Variants in SYNE2 observed in about 807,000 individuals in gnomAD.
The protein encoded by SYNE2 is spectrin repeat containing nuclear envelope protein 2.
A neutral mutation model predicts 856.3 loss-of-function variants in SYNE2; 431 were observed. The observed-to-expected ratio is 0.50, with a 90% CI of 0.47 to 0.55. The LOEUF is 0.55. Ranked by LOEUF, SYNE2 falls within the 20% of genes least tolerant of loss-of-function variation. The probability of loss-of-function intolerance (pLI) is 0.00; values close to 1 mark genes in which losing one functional copy is unlikely to be tolerated. For missense variants in SYNE2, 8,129 were observed against 8,023.2 expected (o/e 1.01, Z -0.50); for synonymous variants, 2,923 against 2,872.3 (o/e 1.02, Z -0.56).
rs36125169 is a variant in SYNE2 at position 63,872,761 on chromosome 14, CAAA to C, written c.-52+19636_-52+19638del. On this transcript the variant is annotated intron_variant, in intron 1 of 115. Transcript: ENST00000555002. ...TGGGCAACAGAGTGAGACTCTGCCT[CAAA>C]AAAAAAAAAAAAAAAAAGATGATAT... Among the ~76,000 whole-genome samples the C allele has an allele frequency of 1.3e-4, 11 of 87,780 alleles. No individual in the cohort carries two copies. The South Asian group carries it at 1.4e-3, about 11-fold the overall frequency. 57.6% of individuals were successfully genotyped at this position (87,780 alleles called of 152,430 possible).
At chr14:64,202,372 C>T (rs944221324) in intron 99 of SYNE2, 2 of 687,860 alleles carry the variant, frequency 2.9e-6, no homozygotes, top group East Asian at 2.7e-5. Context: ...TCTTTAATCT[C>T]CCAGGGTAGA....
At chr14:64,074,564 T>C (rs1567219465) in intron 53 of SYNE2, among the ~76,000 whole-genome samples, 1 of 152,274 alleles carries the variant, frequency 6.6e-6, no homozygotes, top group East Asian at 1.9e-4. Flanking sequence ...TCCAGTCCAA[T>C]AGTGACAGCC....
chr14:64,197,410 T>C (rs1358967635), intron 99 of SYNE2, among the ~76,000 whole-genome samples: 1 of 152,224 alleles, frequency 6.6e-6, no homozygotes, highest in East Asian at 1.9e-4. Flanking sequence ...TTGTAATGCC[T>C]CTGCCCCTAA....
intron 1 of SYNE2, among the ~76,000 whole-genome samples, chr14:63,829,589 T>C (rs1762527398): frequency 6.6e-6 from 1 of 152,128 alleles, no homozygotes; most frequent in South Asian, 2.1e-4. Flanking sequence ...ATTTTTATTT[T>C]TTATTTATTT....
intron 30 of SYNE2, among the ~76,000 whole-genome samples, chr14:64,004,518 C>CG (rs928389459): frequency 1.3e-5 from 2 of 152,006 alleles, no homozygotes; most frequent in African/African-American, 4.8e-5. Flanking sequence ...CTAGTAGAGA[C>CG]GGGGTTTCAC....
intron 2 of SYNE2, among the ~76,000 whole-genome samples, chr14:63,936,490 G>A (rs1205709865): frequency 6.6e-6 from 1 of 152,140 alleles, no homozygotes; most frequent in Admixed American, 6.6e-5. Context: ...AGGATTTGAA[G>A]GAGGTGAGGG....
intron 11 of SYNE2, among the ~76,000 whole-genome samples, chr14:63,969,168 TC>T (rs369052340): frequency 6.8e-6 from 1 of 146,532 alleles, no homozygotes; most frequent in African/African-American, 2.6e-5. Flanking sequence ...AGAATCTCAT[TC>T]TTTTTTTTTT....
chr14:64,219,107 T>TTTTTTTTTTG, intron 109 of SYNE2, 101 bp from the exon 110 acceptor site: 1 of 654,112 alleles, frequency 1.5e-6, no homozygotes, highest in Non-Finnish European at 2.2e-6. Flanking sequence ...TTTTTTTGTT[T>TTTTTTTTTTG]TTTTTTTTTT....
At chr14:63,840,487 C>G (rs1342157824) in intron 1 of SYNE2, among the ~76,000 whole-genome samples, 1 of 144,102 alleles carries the variant, frequency 6.9e-6, no homozygotes, top group Non-Finnish European at 1.5e-5. Context: ...TTCCCTCCCT[C>G]CCTTCCCTCC....
In SYNE2 at chr14:64,126,307, CT is replaced by C. The variant is rs1567378845; in HGVS notation, c.13555-14del. The C allele has an allele frequency of 2.5e-6, 4 of 1,609,350 alleles. No homozygotes were observed. The highest frequency in any genetic ancestry group is 3.4e-6 in the Non-Finnish European group (4 of 1,175,876). ...GCAAAGGTATCTTAATTTTCTTTTTCTTTTTTCCTCTTGATTCAGGAAAATA... is the reference window on the plus strand; with the variant it reads ...GCAAAGGTATCTTAATTTTCTTTTTCTTTTTCCTCTTGATTCAGGAAAATA... On this transcript the variant is annotated intron_variant, in intron 71 of 115. Transcript: ENST00000555002.
chr14:64,203,359 A>G (rs994174233), intron 100 of SYNE2, among the ~76,000 whole-genome samples: 1 of 152,252 alleles, frequency 6.6e-6, no homozygotes, highest in Non-Finnish European at 1.5e-5. Flanking sequence ...TGTCTGGTAC[A>G]GCTTTTTTAA....
At chr14:64,053,792 C>A in intron 48 of SYNE2, 135 bp downstream of exon 48, 2 of 765,412 alleles carry the variant, frequency 2.6e-6, no homozygotes, top group South Asian at 2.1e-5. Context: ...GGCAAAACTG[C>A]ATGTATACTA....
intron 45 of SYNE2, 43 bp downstream of exon 45, chr14:64,031,400 A>G (rs746640158): frequency 6.4e-7 from 1 of 1,563,162 alleles, no homozygotes; most frequent in South Asian, 1.1e-5. Flanking sequence ...GAGTCTGAGA[A>G]TGAAGAGGTA....
intron 19 of SYNE2, among the ~76,000 whole-genome samples, chr14:63,989,606 G>A (rs1187493841): frequency 3.3e-5 from 5 of 149,396 alleles, no homozygotes; most frequent in African/African-American, 2.5e-5. Context: ...CCAAAGTGCT[G>A]GTATTACAGG....
At chr14:63,983,155 T>C (rs2096599442) in intron 17 of SYNE2, among the ~76,000 whole-genome samples, 1 of 152,280 alleles carries the variant, frequency 6.6e-6, no homozygotes, top group South Asian at 2.1e-4. Context: ...GTAATCGTAC[T>C]TCATTCCTTT....
At chr14:64,136,815 C>G (rs2098095250) in intron 78 of SYNE2, among the ~76,000 whole-genome samples, 1 of 152,092 alleles carries the variant, frequency 6.6e-6, no homozygotes, top group Non-Finnish European at 1.5e-5. Flanking sequence ...TTTTATTTAT[C>G]CTCTTCATAT....
intron 85 of SYNE2, among the ~76,000 whole-genome samples, chr14:64,158,181 ATGT>A (rs1351022042): frequency 1.3e-5 from 2 of 152,170 alleles, no homozygotes; most frequent in Non-Finnish European, 2.9e-5. Context: ...TACATTTATA[ATGT>A]TGTGCTGTTG....
At chr14:64,223,789 C>T (rs1253646965) in intron 113 of SYNE2, among the ~76,000 whole-genome samples, 1 of 152,102 alleles carries the variant, frequency 6.6e-6, no homozygotes, top group Admixed American at 6.5e-5. Context: ...AGGGAATACC[C>T]AGACTGTGGC....
chr14:64,161,740 CA>C (rs903391848), intron 87 of SYNE2, among the ~76,000 whole-genome samples: 1,458 of 56,300 alleles, frequency 0.026, 13 homozygotes, highest in African/African-American at 0.064. Flanking sequence ...CCTGTCTCTA[CA>C]AAAAAAAAAA....
Sources: allele counts gnomAD v4.1 joint callset (sites outside exome capture counted in the v4.1 genomes callset), GRCh38; gene constraint gnomAD v4.1.1; transcripts MANE v1.5; gene names NCBI Gene and HGNC (gene_info 2026-07-23, HGNC 2026-07-21).